Variants in ADGRL3 observed in about 807,000 individuals in gnomAD.
The protein encoded by ADGRL3 is calcium-independent alpha-latrotoxin receptor 3.
Under a neutral mutation model 153.5 loss-of-function variants are expected in ADGRL3, and 62 were observed. The observed-to-expected ratio is 0.40, with a 90% CI of 0.33 to 0.50. The LOEUF is 0.50. ADGRL3 is among the 20% of genes least tolerant of loss of function. The pLI is 0.47. For missense variants in ADGRL3, 1,641 were observed against 1,859.4 expected, an observed-to-expected ratio of 0.88 and a Z score of 2.16; for synonymous variants, 710 against 672.5, an observed-to-expected ratio of 1.06 and a Z score of -0.86.
intron 1 of ADGRL3, among the ~76,000 whole-genome samples, chr4:61,235,305 G>T (rs571222214): frequency 7.9e-5 from 12 of 152,052 alleles, no homozygotes; most frequent in Non-Finnish European, 1.6e-4. Context: ...ATTAAGAAAG[G>T]GTTGAGAACT....
intron 2 of ADGRL3, among the ~76,000 whole-genome samples, chr4:61,468,406 T>C (rs2152665339): frequency 6.6e-6 from 1 of 152,268 alleles, no homozygotes; most frequent in South Asian, 2.1e-4. Context: ...ATCTCTTTTT[T>C]CCAACAGATC....
chr4:61,497,608 T>C (rs559987061), intron 3 of ADGRL3, among the ~76,000 whole-genome samples: 46 of 150,412 alleles, frequency 3.1e-4, no homozygotes, highest in Non-Finnish European at 3.1e-4. Flanking sequence ...CTCTGTCTCC[T>C]GGGTTCACGC....
intron 6 of ADGRL3, among the ~76,000 whole-genome samples, chr4:61,717,200 G>T (rs2096135611): frequency 3.1e-5 from 3 of 98,188 alleles, no homozygotes; most frequent in African/African-American, 1.6e-4. Flanking sequence ...TAGTTTATGT[G>T]TGTGTGTGTG....
At chr4:61,213,351 T>C (rs1343309554) in intron 1 of ADGRL3, among the ~76,000 whole-genome samples, 1 of 152,128 alleles carries the variant, frequency 6.6e-6, no homozygotes, top group Non-Finnish European at 1.5e-5. Flanking sequence ...CATACATCAT[T>C]TGTGCGTGCT....
chr4:61,380,977 C>T (rs540684565), intron 1 of ADGRL3, among the ~76,000 whole-genome samples: 25 of 151,842 alleles, frequency 1.6e-4, no homozygotes, highest in Admixed American at 3.3e-4. Flanking sequence ...CCCTCCTGCT[C>T]GCCTTTTTCT....
At chr4:61,597,290 G>A (rs1215992848) in intron 5 of ADGRL3, among the ~76,000 whole-genome samples, 1 of 152,050 alleles carries the variant, frequency 6.6e-6, no homozygotes, top group African/African-American at 2.4e-5. Flanking sequence ...GTAATAAAAA[G>A]ACAAGAAGGA....
chr4:61,947,741 T>C (rs17082501), intron 16 of ADGRL3, among the ~76,000 whole-genome samples: 1,816 of 152,314 alleles, frequency 0.012, 46 homozygotes, highest in African/African-American at 0.041. Context: ...AGATTGAGGT[T>C]GTAAATTCAA....
intron 25 of ADGRL3, among the ~76,000 whole-genome samples, chr4:62,066,509 A>G (rs1336472741): frequency 6.6e-6 from 1 of 152,106 alleles, no homozygotes; most frequent in East Asian, 1.9e-4. Context: ...GAAATATTTT[A>G]AATTTCACGC....
intron 5 of ADGRL3, among the ~76,000 whole-genome samples, chr4:61,634,969 T>C (rs936970249): frequency 2.6e-5 from 4 of 152,172 alleles, no homozygotes. Context: ...TCCATTCATC[T>C]TCACTGAGAA....
chr4:61,652,751 C>G (rs1292483267), intron 5 of ADGRL3, among the ~76,000 whole-genome samples: 1 of 152,076 alleles, frequency 6.6e-6, no homozygotes, highest in East Asian at 1.9e-4. Flanking sequence ...TAATTATAAC[C>G]ACTTTTTCCC....
chr4:61,300,081 T>C (rs1416838150), intron 1 of ADGRL3, among the ~76,000 whole-genome samples: 6 of 152,196 alleles, frequency 3.9e-5, no homozygotes, highest in Admixed American at 3.9e-4. Context: ...AATTTTCTTG[T>C]ATTTTACTTA....
chr4:61,756,505 T>C (rs2096832599), intron 8 of ADGRL3, among the ~76,000 whole-genome samples: 1 of 152,220 alleles, frequency 6.6e-6, no homozygotes, highest in Non-Finnish European at 1.5e-5. Flanking sequence ...CCTATCAACT[T>C]AAGGAGATTT....
intron 1 of ADGRL3, among the ~76,000 whole-genome samples, chr4:61,370,790 A>G (rs1420902991): frequency 7.9e-5 from 12 of 151,876 alleles, no homozygotes; most frequent in Non-Finnish European, 1.8e-4. Flanking sequence ...ATCCTTGTTA[A>G]CTTTCTGTCT....
At chr4:61,673,961 C>A (rs1211146653) in intron 5 of ADGRL3, among the ~76,000 whole-genome samples, 1 of 151,090 alleles carries the variant, frequency 6.6e-6, no homozygotes, top group Non-Finnish European at 1.5e-5. Context: ...TGAACAGACA[C>A]TATCTCATTA....
At chr4:61,917,705 G>C (rs2098751159) in intron 13 of ADGRL3, among the ~76,000 whole-genome samples, 1 of 147,882 alleles carries the variant, frequency 6.8e-6, no homozygotes, top group African/African-American at 2.7e-5. Context: ...CAAGAAAGCA[G>C]GAAATGAATT....
chr4:61,372,897 C>T (rs1331627893), intron 1 of ADGRL3, among the ~76,000 whole-genome samples: 1 of 152,234 alleles, frequency 6.6e-6, no homozygotes, highest in Non-Finnish European at 1.5e-5. Flanking sequence ...TGGGGCAGGA[C>T]CCTCCGAGCC....
At chr4:61,535,299 C>T (rs566723378) in intron 4 of ADGRL3, among the ~76,000 whole-genome samples, 3 of 151,938 alleles carry the variant, frequency 2.0e-5, no homozygotes, top group East Asian at 1.9e-4. Context: ...CCCATTTGAT[C>T]GTGATGGATT....
At chr4:61,298,732 T>C (rs1348293139) in intron 1 of ADGRL3, among the ~76,000 whole-genome samples, 1 of 152,200 alleles carries the variant, frequency 6.6e-6, no homozygotes. Context: ...AATTAATTAC[T>C]TATATTCAGT....
At chr4:61,393,995 G>T (rs2096842302) in intron 2 of ADGRL3, among the ~76,000 whole-genome samples, 2 of 151,978 alleles carry the variant, frequency 1.3e-5, no homozygotes, top group Admixed American at 1.3e-4. Flanking sequence ...GGAACATGAG[G>T]AATAGAGAGT....
Sources: gnomAD v4.1 joint callset for allele counts (sites outside exome capture counted in the v4.1 genomes callset) on GRCh38, gnomAD v4.1.1 for gene constraint, MANE v1.5 for transcripts, NCBI Gene and HGNC (gene_info 2026-07-23, HGNC 2026-07-21) for gene names.